DPP6: variants seen among roughly 807,000 people sequenced by gnomAD.
The protein encoded by DPP6 is dipeptidyl peptidase like 6.
In DPP6, 69 loss-of-function variants were observed where a neutral mutation model predicts 122.6. That is an observed-to-expected ratio of 0.56 (90% CI 0.46 to 0.69). DPP6 has a LOEUF of 0.69. Among genes scored for constraint, DPP6 ranks in the 30% least tolerant of loss-of-function variants. The pLI is 0.00. For synonymous variants in DPP6, 418 were observed against 433.1 expected (o/e 0.97, Z 0.43); for missense variants, 928 against 1,116.9 (o/e 0.83, Z 2.41).
rs190460811 is a variant in DPP6, at chr7:154,395,872, A to G, written c.244-50342A>G. ...ATATTTCAGTCTTTTGTCATTGAGTATGATGTTCACTCTGGGTTTTTGTAT... is the reference window on the plus strand; with the variant it reads ...ATATTTCAGTCTTTTGTCATTGAGTGTGATGTTCACTCTGGGTTTTTGTAT... On this transcript the variant is annotated intron_variant, in intron 1 of 25. Transcript: ENST00000377770. 2.4e-4 allele frequency among the ~76,000 whole-genome samples: 37 copies of G among 151,532 alleles called. No individual in the cohort carries two copies. The East Asian group carries it at 5.8e-3, about 24-fold the overall frequency.
intron 7 of DPP6, among the ~76,000 whole-genome samples, chr7:154,708,543 T>C (rs1242216092): frequency 2.0e-5 from 3 of 152,210 alleles, no homozygotes; most frequent in Non-Finnish European, 4.4e-5. Context: ...TACACATATT[T>C]ATAGCTCAGT....
At chr7:154,501,272 T>C (rs984623105) in intron 3 of DPP6, among the ~76,000 whole-genome samples, 1 of 152,090 alleles carries the variant, frequency 6.6e-6, no homozygotes, top group Non-Finnish European at 1.5e-5. Flanking sequence ...TCCCATTTTC[T>C]GAGGTGAAAT....
intron 10 of DPP6, among the ~76,000 whole-genome samples, chr7:154,779,021 A>ACCACCACCATCACCCCCACCG (rs1796805508): frequency 7.0e-6 from 1 of 143,446 alleles, no homozygotes; most frequent in Non-Finnish European, 1.5e-5. Context: ...GCACCCCACC[A>ACCACCACCATCACCCCCACCG]TCACCTCCAC....
rs148379882 is a variant in DPP6, at chr7:154,283,662, T to C, written c.244-162552T>C. Among the ~76,000 whole-genome samples, 15 of 152,316 alleles carry C rather than the reference T, an allele frequency of 9.8e-5. No individual in the cohort carries two copies. The East Asian group carries it at 2.7e-3, about 27-fold the overall frequency. ...TCCAGTAACAAGGAGTCGTCCTATG[T>C]AGACAGAACTTGTGCATCGTTGATG... On this transcript the variant is annotated intron_variant, in intron 1 of 25. Coordinates refer to ENST00000377770, the MANE Select transcript of DPP6 (RefSeq NM_130797.4).
intron 1 of DPP6, among the ~76,000 whole-genome samples, chr7:154,372,975 G>A (rs566272677): frequency 1.9e-4 from 29 of 152,310 alleles, no homozygotes; most frequent in Middle Eastern, 3.4e-3. Flanking sequence ...AATGGAGTTC[G>A]CGTCTCTTCC....
At chr7:154,803,496 T>C (rs560118191) in intron 13 of DPP6, among the ~76,000 whole-genome samples, 1 of 152,242 alleles carries the variant, frequency 6.6e-6, no homozygotes, top group South Asian at 2.1e-4. Flanking sequence ...CTGGTCCCCC[T>C]TCAGTAATGG....
chr7:154,876,861 G>A (rs745346558), intron 20 of DPP6: 2 of 152,242 alleles, frequency 1.3e-5, no homozygotes, highest in Non-Finnish European at 2.9e-5. Context: ...CCTTAGAGAT[G>A]CTGCAGGAAC....
chr7:154,264,995 G>GTGT (rs1227859195), intron 1 of DPP6, among the ~76,000 whole-genome samples: 1,488 of 136,002 alleles, frequency 0.011, 622 homozygotes, highest in African/African-American at 0.037. Context: ...GGTGATAATG[G>GTGT]TGATGATAAT....
intron 1 of DPP6, among the ~76,000 whole-genome samples, chr7:154,411,536 T>C (rs1184903082): frequency 6.6e-6 from 1 of 152,210 alleles, no homozygotes. Flanking sequence ...CCACAGTGCT[T>C]GGCCTCAATT....
chr7:154,305,048 G>T (rs1170956349), intron 1 of DPP6: 1 of 74,802 alleles, frequency 1.3e-5, no homozygotes, highest in Non-Finnish European at 2.8e-5. Context: ...CCCAGCCCCA[G>T]CCCCAGCCCC....
intron 16 of DPP6, among the ~76,000 whole-genome samples, chr7:154,847,215 T>G (rs1802012897): frequency 1.3e-5 from 2 of 152,198 alleles, no homozygotes; most frequent in Admixed American, 6.5e-5. Flanking sequence ...TTCACCCTCT[T>G]GTAGTGGCCA....
At chr7:153,856,874 T>A in the DPP6 span, among the ~76,000 whole-genome samples, 17 of 152,308 alleles carry the variant, frequency 1.1e-4, 1 homozygote, top group Admixed American at 9.8e-4. Context: ...TCAATCTCTC[T>A]TACATAGAAT....
intron 1 of DPP6, among the ~76,000 whole-genome samples, chr7:154,327,839 G>A (rs1808583661): frequency 6.6e-6 from 1 of 152,178 alleles, no homozygotes. Flanking sequence ...TAAAAACACA[G>A]ATATTATAAG....
At chr7:153,826,732 T>A in the DPP6 span, among the ~76,000 whole-genome samples, 10 of 152,178 alleles carry the variant, frequency 6.6e-5, no homozygotes, top group South Asian at 2.1e-4. Context: ...ATGGCTTCCA[T>A]ATGCACTTGT....
chr7:154,678,822 A>C (rs1344857402), intron 7 of DPP6, among the ~76,000 whole-genome samples: 1 of 152,220 alleles, frequency 6.6e-6, no homozygotes, highest in African/African-American at 2.4e-5. Context: ...GAGAGACTTA[A>C]TCCCTGAGCT....
chr7:154,355,792 C>G (rs1191499745), intron 1 of DPP6, among the ~76,000 whole-genome samples: 1 of 152,164 alleles, frequency 6.6e-6, no homozygotes, highest in Non-Finnish European at 1.5e-5. Context: ...TAGATATCAT[C>G]TTTAAGATTA....
At chr7:153,882,637 C>T (rs750941030), upstream of DPP6, among the ~76,000 whole-genome samples, 8 of 152,170 alleles carry the variant, frequency 5.3e-5, no homozygotes, top group South Asian at 1.0e-3. Context: ...GCAAAAGGAT[C>T]GACACCACCA....
intron 16 of DPP6, among the ~76,000 whole-genome samples, chr7:154,831,056 G>A (rs541794225): frequency 2.8e-4 from 42 of 152,196 alleles, no homozygotes; most frequent in Non-Finnish European, 5.4e-4. Context: ...CATCCCCACG[G>A]TGAGTGGGTG....
intron 16 of DPP6, among the ~76,000 whole-genome samples, chr7:154,819,353 T>G (rs568983916): frequency 6.6e-6 from 1 of 152,322 alleles, no homozygotes; most frequent in South Asian, 2.1e-4. Context: ...AAGCAGAGGT[T>G]GCAGTGAGCT....
Sources: allele counts gnomAD v4.1 joint callset (sites outside exome capture counted in the v4.1 genomes callset), GRCh38; gene constraint gnomAD v4.1.1; transcripts MANE v1.5; gene names NCBI Gene and HGNC (gene_info 2026-07-23, HGNC 2026-07-21).